Variants in CNNM2 observed in about 807,000 individuals in gnomAD.
CNNM2 encodes cyclin and CBS domain divalent metal cation transport mediator 2, also known as metal transporter CNNM2.
CNNM2 carries 12 observed loss-of-function variants against 66.9 expected under a neutral mutation model. The ratio of observed to expected loss-of-function variants is 0.18; its 90% CI spans 0.11 to 0.29. The LOEUF is 0.29. Among genes scored for constraint, CNNM2 ranks in the 10% least tolerant of loss-of-function variants. The pLI, the probability that CNNM2 is intolerant of heterozygous loss-of-function variation, is 1.00. For synonymous variants in CNNM2, 557 were observed against 501.8 expected, an observed-to-expected ratio of 1.11 and a Z score of -1.47; for missense variants, 705 against 1,167.7, an observed-to-expected ratio of 0.60 and a Z score of 5.77.
chr10:102,940,441 T>C (rs1005839987), intron 1 of CNNM2, among the ~76,000 whole-genome samples: 3 of 152,106 alleles, frequency 2.0e-5, no homozygotes, highest in African/African-American at 7.2e-5. Flanking sequence ...TTTTTTGAGA[T>C]GGAGTCTCAC....
chr10:103,051,943 G>A (rs2065220087), intron 2 of CNNM2, among the ~76,000 whole-genome samples: 1 of 151,966 alleles, frequency 6.6e-6, no homozygotes, highest in Non-Finnish European at 1.5e-5. Flanking sequence ...TTATTTGTAC[G>A]TTTACGTTCT....
At chr10:103,038,151 T>G (rs1312749224) in intron 1 of CNNM2, among the ~76,000 whole-genome samples, 1 of 152,168 alleles carries the variant, frequency 6.6e-6, no homozygotes, top group Non-Finnish European at 1.5e-5. Flanking sequence ...TACAGTCTTG[T>G]GTATTTCAGG....
In CNNM2 at chr10:102,951,692, G is replaced by A. The variant is rs1003170132; in HGVS notation, c.1621+31591G>A. 4.0e-5 allele frequency among the ~76,000 whole-genome samples: 6 copies of A among 149,296 alleles called. No homozygotes were observed. In the South Asian group the frequency reaches 1.3e-3, roughly 32 times the overall value. On this transcript the variant is annotated intron_variant, in intron 1 of 7. Coordinates refer to ENST00000369878, the MANE Select transcript of CNNM2 (RefSeq NM_017649.5). ...CTCACTTTGTTGCCCAGGCTGGGGT[G>A]CAGTGGTCTGATCCTAGCTCACCGC...
intron 1 of CNNM2, among the ~76,000 whole-genome samples, chr10:102,994,189 G>C (rs1280405531): frequency 6.6e-6 from 1 of 152,150 alleles, no homozygotes; most frequent in Non-Finnish European, 1.5e-5. Flanking sequence ...CACCCGCCTT[G>C]GGCTCCCAAA....
At chr10:102,925,672 T>G (rs1049080978) in intron 1 of CNNM2, among the ~76,000 whole-genome samples, 2 of 152,214 alleles carry the variant, frequency 1.3e-5, no homozygotes, top group African/African-American at 4.8e-5. Flanking sequence ...GCAGCATCAT[T>G]GAAAAAACAA....
Position 103,077,027 on chromosome 10 carries a change from C to T in CNNM2, c.2475C>T (p.Pro825=), listed in dbSNP as rs2065703957. The stretch of plus-strand genomic sequence containing the variant: ...TGGCATCCCGGATGGACAAAACCCC[C>T]CAGTCTTCAGACAGTGAAAACACTA... ...ALMASRMDKT[P]QSSDSENTKI... The change falls in exon 8 of 8, where the codon CCC becomes CCT. Residue 825 remains proline, a synonymous_variant. Transcript: ENST00000369878. 2 of 1,614,004 alleles carry T rather than the reference C, an allele frequency of 1.2e-6. No homozygotes were observed. The highest frequency in any genetic ancestry group is 1.3e-5 in the African/African-American group (1 of 75,060).
At chr10:103,072,408 C>T (rs553859834) in intron 6 of CNNM2, among the ~76,000 whole-genome samples, 28 of 152,282 alleles carry the variant, frequency 1.8e-4, no homozygotes, top group African/African-American at 6.0e-4. Context: ...GCCAGGCAGG[C>T]GGCCCTACTT....
chr10:103,040,558 T>C (rs1234233777), intron 1 of CNNM2, among the ~76,000 whole-genome samples: 5 of 152,102 alleles, frequency 3.3e-5, no homozygotes, highest in African/African-American at 1.2e-4. Context: ...CCTTTGTGAA[T>C]GGAGGAGTAG....
chr10:103,076,875 C>A, intron 7 of CNNM2, 96 bp from the exon 8 acceptor site: 1 of 1,083,902 alleles, frequency 9.2e-7, no homozygotes, highest in South Asian at 1.3e-5. Context: ...CCTAGAGAGG[C>A]TGCTGTGGGC....
chr10:102,973,095 T>C (rs1401163343), intron 1 of CNNM2, among the ~76,000 whole-genome samples: 2 of 152,262 alleles, frequency 1.3e-5, no homozygotes, highest in East Asian at 3.9e-4. Flanking sequence ...AGTTGGATAA[T>C]TTTTTATCTT....
chr10:103,006,218 T>C (rs1038236743), intron 1 of CNNM2, among the ~76,000 whole-genome samples: 5 of 152,000 alleles, frequency 3.3e-5, no homozygotes, highest in Non-Finnish European at 5.9e-5. Flanking sequence ...TTTTCTTTTT[T>C]TTTTTTGAGA....
At chr10:103,023,551 C>A (rs1004910975) in intron 1 of CNNM2, among the ~76,000 whole-genome samples, 1 of 151,998 alleles carries the variant, frequency 6.6e-6, no homozygotes, top group East Asian at 1.9e-4. Context: ...TCTGTTCCCC[C>A]CTCCCCATCC....
chr10:103,065,027 G>T (rs1312451971), intron 4 of CNNM2, among the ~76,000 whole-genome samples: 1 of 152,180 alleles, frequency 6.6e-6, no homozygotes, highest in Non-Finnish European at 1.5e-5. Context: ...TCAACTAGAT[G>T]GAGTCCAGAG....
chr10:102,993,189 G>C (rs2063928367), intron 1 of CNNM2, among the ~76,000 whole-genome samples: 1 of 152,174 alleles, frequency 6.6e-6, no homozygotes, highest in South Asian at 2.1e-4. Context: ...CCATCATTAT[G>C]TTTACTTATG....
At chr10:102,930,824 CATTT>C (rs1300672436) in intron 1 of CNNM2, among the ~76,000 whole-genome samples, 1 of 152,128 alleles carries the variant, frequency 6.6e-6, no homozygotes, top group Non-Finnish European at 1.5e-5. Flanking sequence ...TGGCTTCTTT[CATTT>C]AACATGTTTT....
In CNNM2 at chr10:102,963,605, G is replaced by T. The variant is rs571110275; in HGVS notation, c.1621+43504G>T. Among the ~76,000 whole-genome samples the T allele has an allele frequency of 3.3e-5, 5 of 152,162 alleles. No individual in the cohort carries two copies. The South Asian group carries it at 6.2e-4, about 19-fold the overall frequency. ...TGATTCAAGGCTGATTGTTCCCGGAGAATCTCATTATTATTGTAAACAGTT... is the reference window on the plus strand; with the variant it reads ...TGATTCAAGGCTGATTGTTCCCGGATAATCTCATTATTATTGTAAACAGTT... On this transcript the variant is annotated intron_variant, in intron 1 of 7. Transcript: ENST00000369878.
At chr10:103,026,059 T>G (rs1017069263) in intron 1 of CNNM2, among the ~76,000 whole-genome samples, 18 of 152,196 alleles carry the variant, frequency 1.2e-4, no homozygotes, top group African/African-American at 4.3e-4. Context: ...CCCCTCTTGC[T>G]CTCTTGCCCT....
chr10:103,075,392 A>C (rs2065672044), intron 6 of CNNM2, among the ~76,000 whole-genome samples: 1 of 152,204 alleles, frequency 6.6e-6, no homozygotes, highest in Non-Finnish European at 1.5e-5. Context: ...AAGAGCAACA[A>C]CACCCAGACT....
chr10:102,950,614 T>G (rs1846789400), intron 1 of CNNM2, among the ~76,000 whole-genome samples: 1 of 151,688 alleles, frequency 6.6e-6, no homozygotes. Context: ...ATTAGCCGGG[T>G]GTGGTGATGC....
Sources: allele counts gnomAD v4.1 joint callset (sites outside exome capture counted in the v4.1 genomes callset), GRCh38; gene constraint gnomAD v4.1.1; transcripts MANE v1.5; gene names NCBI Gene and HGNC (gene_info 2026-07-23, HGNC 2026-07-21).